Variants in ARHGAP33 observed in about 807,000 individuals in gnomAD.
The protein encoded by ARHGAP33 is Rho GTPase activating protein 33, also known as rho GTPase-activating protein 33.
In ARHGAP33, 57 loss-of-function variants were observed where a neutral mutation model predicts 126.2. The observed-to-expected ratio is 0.45, with a 90% CI of 0.36 to 0.56. The LOEUF (loss-of-function observed/expected upper bound fraction) is 0.56. Among genes scored for constraint, ARHGAP33 ranks in the 20% least tolerant of loss-of-function variants. ARHGAP33 has a pLI of 0.00. For missense variants in ARHGAP33, 1,500 were observed against 1,748.3 expected, an observed-to-expected ratio of 0.86 and a Z score of 2.53; for synonymous variants, 711 against 755.0, an observed-to-expected ratio of 0.94 and a Z score of 0.95.
chr19:35,781,633 GGA>G (rs1971784823), intron 12 of ARHGAP33, among the ~76,000 whole-genome samples: 1 of 152,182 alleles, frequency 6.6e-6, no homozygotes, highest in African/African-American at 2.4e-5. Context: ...GAGCCAAGAG[GGA>G]GGCCTGCAGT....
rs752565381 is a variant in ARHGAP33 at position 35,784,213 on chromosome 19, C to T, written c.1463C>T (p.Ala488Val). The change falls in exon 16 of 21, where the codon GCG becomes GTG. Residue 488 changes from alanine to valine, a missense_variant. Ala to Val is a moderately conservative substitution (Grantham distance 64). This residue lies in a region of ARHGAP33 where 281 missense variants were observed against 413.7 expected (regional missense o/e 0.68). Transcript: ENST00000007510. ...LESVGMGGAA[A>V]FREVRVQSVV... is the part of the protein sequence containing the mutation. ...TCAGTGGGAATGGGTGGCGCGGCGG[C>T]GTTCCGGGAAGTTCGGGTGCAGTCG... The T allele has an allele frequency of 6.2e-7, 1 of 1,611,742 alleles. No homozygotes were observed. The highest frequency in any genetic ancestry group is 8.5e-7 in the Non-Finnish European group (1 of 1,178,722).
At chr19:35,777,212 A>T (rs184414350) in intron 1 of ARHGAP33, among the ~76,000 whole-genome samples, 1 of 152,272 alleles carries the variant, frequency 6.6e-6, no homozygotes, top group East Asian at 1.9e-4. Context: ...TCTATGGAGA[A>T]ATAGAGCCAG....
chr19:35,785,674 T>G, intron 19 of ARHGAP33, 191 bp downstream of exon 19: 1 of 1,428,868 alleles, frequency 7.0e-7, no homozygotes, highest in Admixed American at 2.9e-5. Flanking sequence ...ACACTGAACT[T>G]AACTTACTCA....
In ARHGAP33 at chr19:35,786,961, A is replaced by G. The variant is rs780996659; in HGVS notation, c.2491A>G (p.Ser831Gly). 1.9e-6 allele frequency: 3 copies of G among 1,610,718 alleles called. No homozygotes were observed. The Admixed American group carries it at 5.0e-5, about 27-fold the overall frequency. The change falls in exon 20 of 21, where the codon AGC becomes GGC. Residue 831 changes from serine (S) to glycine (G), a missense_variant. Ser to Gly is a moderately conservative substitution (Grantham distance 56). Coordinates refer to ENST00000007510, the MANE Select transcript of ARHGAP33 (RefSeq NM_001366178.1). The surrounding 1 kb of genome is among the most constrained non-coding windows in gnomAD (Gnocchi z 7.0). ...AACACCAGCTCTCAGCCCCGGCCGG[A>G]GCCTGCGCCCCCATCTCATACCCCT... is the stretch of plus-strand genomic sequence containing the variant. The part of the protein sequence containing the change: ...TPTPALSPGR[S>G]LRPHLIPLLL...
Position 35,785,271 on chromosome 19 carries a change from A to T in ARHGAP33, c.1804A>T (p.Ser602Cys), listed in dbSNP as rs183526862. ...GTTCTTTGCACTGGGCCGGGGCCCC[A>T]GTGTCCCTCGAAAGAAGCCCCTGCC... ...KTFFALGRGPSVPRKKPLPWL... is the reference protein window; with the variant it reads ...KTFFALGRGPCVPRKKPLPWL... Residue 602 changes from serine (S) to cysteine (C), a missense_variant, in exon 18 of 21, where the codon AGT becomes TGT. By Grantham distance (112) the Ser-to-Cys change is moderately radical. Around this residue, in one of 6 missense-constraint regions of ARHGAP33, gnomAD observed 300 missense variants for 291.1 expected, o/e 1.03. Transcript: ENST00000007510. 56 of 1,597,742 alleles carry T rather than the reference A, an allele frequency of 3.5e-5. No homozygotes were observed. The East Asian group carries it at 5.4e-4, about 15-fold the overall frequency.
In ARHGAP33 at chr19:35,788,079, C is replaced by T; in HGVS notation, c.3514C>T (p.Leu1172=). 3.1e-6 allele frequency: 5 copies of T among 1,612,136 alleles called. No individual in the cohort carries two copies. The highest frequency in any genetic ancestry group is 1.1e-5 in the South Asian group (1 of 91,024). ...ACCGCCTGAGCCCCTCTACGTCAAC[C>T]TAGCTCTAGGGCCCAGGGGTCCCTC... is the stretch of plus-strand genomic sequence containing the variant. ...PTPPEPLYVN[L]ALGPRGPSPA... The change falls in exon 21 of 21, where the codon CTA becomes TTA. Residue 1172 remains leucine, a synonymous_variant. Transcript: ENST00000007510.
intron 15 of ARHGAP33, among the ~76,000 whole-genome samples, chr19:35,783,896 G>A (rs193128662): frequency 2.0e-5 from 3 of 149,472 alleles, no homozygotes; most frequent in Non-Finnish European, 4.5e-5. Context: ...ATGGGGGGCA[G>A]TGGAGGGGGT....
chr19:35,782,627 C>T lies in ARHGAP33; in HGVS notation c.1261C>T (p.Arg421Cys), dbSNP rs142824875. The part of the protein sequence containing the change: ...EAMSVPGEEE[R>C]LVRVHDVIQQ... Reference sequence around the variant, plus strand: ...CATGTCAGTGCCTGGGGAGGAGGAGCGTCTGGTGCGGGTGCACGATGTCAT... The same window carrying T: ...CATGTCAGTGCCTGGGGAGGAGGAGTGTCTGGTGCGGGTGCACGATGTCAT... Residue 421 changes from arginine (R) to cysteine (C), a missense_variant, in exon 14 of 21, where the codon CGT (arginine) becomes TGT (cysteine). Arg to Cys is a radical substitution (Grantham distance 180, BLOSUM62 -3). Around this residue, in one of 6 missense-constraint regions of ARHGAP33, gnomAD observed 281 missense variants for 413.7 expected, o/e 0.68. Coordinates refer to ENST00000007510, the MANE Select transcript of ARHGAP33 (RefSeq NM_001366178.1). The surrounding 1 kb of genome is among the most constrained non-coding windows in gnomAD (Gnocchi z 4.1). The T allele has an allele frequency of 7.3e-5, 118 of 1,613,700 alleles. No homozygotes were observed. The African/African-American group carries it at 1.3e-3, about 18-fold the overall frequency.
rs1446657906 is a variant in ARHGAP33 at position 35,787,028 on chromosome 19, A to C, written c.2558A>C (p.Gln853Pro). ...GAGGCCCCGCTGACTGACGCCTGCC[A>C]GCAGGAGATGTGCAGCAAGCTCCGG... ...GAEAPLTDAC[Q>P]QEMCSKLRGA... The change falls in exon 20 of 21, where the codon CAG becomes CCG. Residue 853 changes from glutamine to proline, a missense_variant. Coordinates refer to ENST00000007510, the MANE Select transcript of ARHGAP33 (RefSeq NM_001366178.1). 18 of 1,609,466 alleles carry C rather than the reference A, an allele frequency of 1.1e-5. No individual in the cohort carries two copies. Among genetic ancestry groups the C allele is most frequent in the Non-Finnish European group, 1.4e-5 (17 of 1,177,818 alleles).
chr19:35,783,107 T>C (rs1469887709), intron 15 of ARHGAP33, among the ~76,000 whole-genome samples: 1 of 151,844 alleles, frequency 6.6e-6, no homozygotes, highest in African/African-American at 2.4e-5. Context: ...CAGAGTAAAG[T>C]CTGATGGTGA....
Position 35,782,734 on chromosome 19 carries a change from C to G in ARHGAP33, c.1314-28C>G. ...GTGGGATTCCAAGGGGGTTGAGGCT[C>G]AGGTGCCCCCTCTGCTCCCACCCCC... On this transcript the variant is annotated intron_variant, in intron 14 of 20. Coordinates refer to ENST00000007510, the MANE Select transcript of ARHGAP33 (RefSeq NM_001366178.1). This position sits in a 1 kb window ranked among gnomAD's most constrained non-coding sequence, Gnocchi z 4.1. 4 of 1,611,090 alleles carry G rather than the reference C, an allele frequency of 2.5e-6. No homozygotes were observed. Among genetic ancestry groups the G allele is most frequent in the Non-Finnish European group, 3.4e-6 (4 of 1,178,480 alleles).
In ARHGAP33 at chr19:35,788,368, C is replaced by T; in HGVS notation, c.3803C>T (p.Pro1268Leu). ...AGAGGGGAGGGGGCTGGTCCCCCAC[C>T]CCCTTACCCCACTCCCAGCTGGTCC... Reference protein sequence around the residue: ...GQRGEGAGPPPPYPTPSWSLH... With the variant: ...GQRGEGAGPPLPYPTPSWSLH... The change falls in exon 21 of 21, where the codon CCC becomes CTC. Residue 1268 changes from proline to leucine, a missense_variant. This residue lies in a region of ARHGAP33 where 642 missense variants were observed against 634.0 expected (regional missense o/e 1.01). Transcript: ENST00000007510. 5 of 1,595,666 alleles carry T rather than the reference C, an allele frequency of 3.1e-6. No homozygotes were observed. Among genetic ancestry groups the T allele is most frequent in the Non-Finnish European group, 4.3e-6 (5 of 1,171,966 alleles).
At position 35,785,284 on chromosome 19, in the gene ARHGAP33, A is replaced by G. The variant is rs1972052954; in HGVS notation, c.1817A>G (p.Lys606Arg). 1 of 1,599,642 alleles carries G rather than the reference A, an allele frequency of 6.3e-7. No individual in the cohort carries two copies. The change falls in exon 18 of 21, where the codon AAG becomes AGG. Residue 606 changes from lysine to arginine, a missense_variant. By Grantham distance (26) the Lys-to-Arg change is conservative. This residue lies in a region of ARHGAP33 where 300 missense variants were observed against 291.1 expected (regional missense o/e 1.03). Transcript: ENST00000007510. ...ALGRGPSVPR[K>R]KPLPWLGGTR... ...GGCCGGGGCCCCAGTGTCCCTCGAA[A>G]GAAGCCCCTGCCCTGGCTGGGGGGC...
At chr19:35,777,610 A>C (rs1971526767) in intron 1 of ARHGAP33, 35 bp from the exon 2 acceptor site, 5 of 1,527,306 alleles carry the variant, frequency 3.3e-6, no homozygotes, top group Non-Finnish European at 4.4e-6. Flanking sequence ...CTTTGCTCCC[A>C]TCTCTGGGGG....
Position 35,787,486 on chromosome 19 carries a change from A to G in ARHGAP33, c.2921A>G (p.Gln974Arg). ...PGPPPYLPRQ[Q>R]SDGSLLRSQR... Reference sequence around the variant, plus strand: ...CCCCCACCCTACTTACCAAGGCAACAAAGTGATGGGAGCCTGCTGAGGAGC... The same window carrying G: ...CCCCCACCCTACTTACCAAGGCAACGAAGTGATGGGAGCCTGCTGAGGAGC... The change falls in exon 21 of 21, where the codon CAA becomes CGA. Residue 974 changes from glutamine to arginine, a missense_variant. Physicochemically the swap from Gln to Arg is conservative, Grantham distance 43. Coordinates refer to ENST00000007510, the MANE Select transcript of ARHGAP33 (RefSeq NM_001366178.1). 2 of 1,612,470 alleles carry G rather than the reference A, an allele frequency of 1.2e-6. No individual in the cohort carries two copies. The highest frequency in any genetic ancestry group is 8.5e-7 in the Non-Finnish European group (1 of 1,179,578).
At position 35,787,957 on chromosome 19, in the gene ARHGAP33, C is replaced by T; in HGVS notation, c.3392C>T (p.Ser1131Phe). 1 of 1,063,106 alleles carries T rather than the reference C, an allele frequency of 9.4e-7. No individual in the cohort carries two copies. The highest frequency in any genetic ancestry group is 1.3e-6 in the Non-Finnish European group (1 of 763,510). 65.9% of individuals were successfully genotyped at this position (1,063,106 alleles called of 1,614,324 possible). A position where few individuals can be genotyped will look rare whatever the true frequency, so the allele number is the denominator to read the frequency against. Residue 1131 changes from serine (S) to phenylalanine (F), a missense_variant, in exon 21 of 21, where the codon TCC (serine) becomes TTC (phenylalanine). By Grantham distance (155) the Ser-to-Phe change is radical. Around this residue, in one of 6 missense-constraint regions of ARHGAP33, gnomAD observed 642 missense variants for 634.0 expected, o/e 1.01. Transcript: ENST00000007510. ...GGCCAATCACCCCCACTCCACAGGT[C>T]CCCCGACTTCCTGCTCAGCTACCCG... Reference protein sequence around the residue: ...MLGQSPPLHRSPDFLLSYPPA... With the variant: ...MLGQSPPLHRFPDFLLSYPPA...
At position 35,780,504 on chromosome 19, in the gene ARHGAP33, T is replaced by C. The variant is rs1490282793; in HGVS notation, c.702+6T>C. 1 of 1,608,016 alleles carries C rather than the reference T, an allele frequency of 6.2e-7. No homozygotes were observed. The highest frequency in any genetic ancestry group is 1.1e-5 in the South Asian group (1 of 90,402). ...GGGGCAAGCGAGGCTTCCAGGTGAGTCCAGCTGGGCGCGGACAGGTGGGGC... is the reference window on the plus strand; with the variant it reads ...GGGGCAAGCGAGGCTTCCAGGTGAGCCCAGCTGGGCGCGGACAGGTGGGGC... On this transcript the variant is annotated splice_donor_region_variant and intron_variant, in intron 8 of 20. Transcript: ENST00000007510.
chr19:35,784,831 C>T (rs1972019108), intron 16 of ARHGAP33, 122 bp from the exon 17 acceptor site: 2 of 1,399,792 alleles, frequency 1.4e-6, no homozygotes, highest in Non-Finnish European at 1.8e-6. Context: ...CGCCCCGGCC[C>T]CCTGCCTTGC....
intron 1 of ARHGAP33, among the ~76,000 whole-genome samples, 193 bp downstream of exon 1, chr19:35,775,857 C>G (rs1014060715): frequency 6.6e-6 from 1 of 151,980 alleles, no homozygotes; most frequent in African/African-American, 2.4e-5. Context: ...CGCGCATCCC[C>G]GTCTTCCACG....
Sources: allele counts gnomAD v4.1 joint callset (sites outside exome capture counted in the v4.1 genomes callset), GRCh38; gene constraint gnomAD v4.1.1; regional missense constraint gnomAD v4.1.1; non-coding constraint Gnocchi (gnomAD v3.1); transcripts MANE v1.5; gene names NCBI Gene and HGNC (gene_info 2026-07-23, HGNC 2026-07-21).